The following PCDHGB1 variants were observed in gnomAD, a reference collection of about 807,000 sequenced individuals.
The protein encoded by PCDHGB1 is protocadherin gamma subfamily B, 1, also known as protocadherin gamma-B1.
PCDHGB1 carries 34 observed loss-of-function variants against 56.6 expected under a neutral mutation model. That is an observed-to-expected ratio of 0.60 (90% CI 0.46 to 0.80). The LOEUF is 0.80. Among genes scored for constraint, PCDHGB1 ranks in the 30% least tolerant of loss-of-function variants. The pLI, the probability that PCDHGB1 is intolerant of heterozygous loss-of-function variation, is 0.00. For synonymous variants in PCDHGB1, 561 were observed against 505.9 expected (o/e 1.11, Z -1.46); for missense variants, 1,278 against 1,204.6 (o/e 1.06, Z -0.90).
rs762783104 is a variant in PCDHGB1 at position 141,485,601 on chromosome 5, G to A, written c.2410-9206G>A. 4.3e-6 allele frequency: 7 copies of A among 1,612,290 alleles called. No homozygotes were observed. The highest frequency in any genetic ancestry group is 5.9e-6 in the Non-Finnish European group (7 of 1,178,722). On this transcript the variant is annotated intron_variant, in intron 1 of 3. Transcript: ENST00000523390. The surrounding 1 kb of genome is among the most constrained non-coding windows in gnomAD (Gnocchi z 5.7). ...CGGCAGCAGCTGGACTTGGAAATTG[G>A]GGAGGCAGCTCCTCCAGGACAGCGT...
At chr5:141,466,974 C>G (rs1314224956) in intron 1 of PCDHGB1, among the ~76,000 whole-genome samples, 1 of 151,944 alleles carries the variant, frequency 6.6e-6, no homozygotes, top group Non-Finnish European at 1.5e-5. Context: ...TCTCACAGCT[C>G]ATCATTTACC....
chr5:141,364,224 C>T (rs538812851), intron 1 of PCDHGB1: 29 of 1,356,016 alleles, frequency 2.1e-5, no homozygotes, highest in Admixed American at 6.0e-5. Context: ...GAAAAGCCAA[C>T]GCTCCACGCC....
In PCDHGB1 at chr5:141,489,684, T is replaced by C. The variant is rs2099690710; in HGVS notation, c.2410-5123T>C. 1.2e-6 allele frequency: 2 copies of C among 1,614,062 alleles called. No individual in the cohort carries two copies. The highest frequency in any genetic ancestry group is 8.5e-7 in the Non-Finnish European group (1 of 1,180,034). On this transcript the variant is annotated intron_variant, in intron 1 of 3. Coordinates refer to ENST00000523390, the MANE Select transcript of PCDHGB1 (RefSeq NM_018922.3). This position sits in a 1 kb window ranked among gnomAD's most constrained non-coding sequence, Gnocchi z 4.5. ...TGCGCATCTCAGAATCAGCAGCATCTGGGGCACGATTCCCACTGGACAGTG... is the reference window on the plus strand; with the variant it reads ...TGCGCATCTCAGAATCAGCAGCATCCGGGGCACGATTCCCACTGGACAGTG...
rs766474451 is a variant in PCDHGB1 at position 141,477,676 on chromosome 5, AT to A, written c.2410-17130del. On this transcript the variant is annotated intron_variant, in intron 1 of 3. Coordinates refer to ENST00000523390, the MANE Select transcript of PCDHGB1 (RefSeq NM_018922.3). This position sits in a 1 kb window ranked among gnomAD's most constrained non-coding sequence, Gnocchi z 4.9. ...TAAATCGTGACAATGGCATAGTGTCATCCTTAGTGCCCCTAGACTATGAGGA... is the reference window on the plus strand; with the variant it reads ...TAAATCGTGACAATGGCATAGTGTCACCTTAGTGCCCCTAGACTATGAGGA... 6.2e-7 allele frequency: 1 copy of A among 1,614,194 alleles called. No homozygotes were observed. The highest frequency in any genetic ancestry group is 2.2e-5 in the East Asian group (1 of 44,886).
At chr5:141,389,367 G>A (rs1402654392) in intron 1 of PCDHGB1, 4 of 1,613,806 alleles carry the variant, frequency 2.5e-6, no homozygotes, top group South Asian at 1.1e-5. Context: ...CAGTGACCTG[G>A]AGCAGCGGGA....
chr5:141,365,007 C>T (rs776739278), intron 1 of PCDHGB1: 2 of 1,613,804 alleles, frequency 1.2e-6, no homozygotes, highest in African/African-American at 1.3e-5. Context: ...TCCGGCACCA[C>T]GCACATCCGT....
At position 141,431,007 on chromosome 5, in the gene PCDHGB1, G is replaced by C. The variant is rs149559471; in HGVS notation, c.2410-63800G>C. On this transcript the variant is annotated intron_variant, in intron 1 of 3. Transcript: ENST00000523390. This position sits in a 1 kb window ranked among gnomAD's most constrained non-coding sequence, Gnocchi z 4.8. Reference sequence around the variant, plus strand: ...TTCGCCCTGAATCCGCGCAGCGGCAGCTTGGTCACGGCGGGCAGGATAGAC... The same window carrying C: ...TTCGCCCTGAATCCGCGCAGCGGCACCTTGGTCACGGCGGGCAGGATAGAC... 10 of 1,614,050 alleles carry C rather than the reference G, an allele frequency of 6.2e-6. No homozygotes were observed. The highest frequency in any genetic ancestry group is 8.5e-6 in the Non-Finnish European group (10 of 1,180,018).
At position 141,418,056 on chromosome 5, in the gene PCDHGB1, T is replaced by G. The variant is rs199996434; in HGVS notation, c.2409+65387T>G. ...GTCCTGGATGTGTCGGCTCGCGAGC[T>G]GCGAGTGAGCGCGGAGAAGCTGCAC... is the stretch of plus-strand genomic sequence containing the variant. On this transcript the variant is annotated intron_variant, in intron 1 of 3. Coordinates refer to ENST00000523390, the MANE Select transcript of PCDHGB1 (RefSeq NM_018922.3). 5.0e-5 allele frequency: 80 copies of G among 1,613,976 alleles called. No individual in the cohort carries two copies. The African/African-American group carries it at 7.5e-4, about 15-fold the overall frequency.
chr5:141,511,462 C>T lies in PCDHGB1; in HGVS notation c.*289C>T, dbSNP rs1385398410. On this transcript the variant is annotated 3_prime_UTR_variant, in exon 4 of 4. Transcript: ENST00000523390. Reference sequence around the variant, plus strand: ...AGACACCAAGAACCATTTGCCACACCCCGTTTAGTTACAGCTGAACTCCTC... The same window carrying T: ...AGACACCAAGAACCATTTGCCACACTCCGTTTAGTTACAGCTGAACTCCTC... 5.4e-6 allele frequency: 3 copies of T among 556,350 alleles called. No individual in the cohort carries two copies. In the South Asian group the frequency reaches 6.3e-5, roughly 12 times the overall value. 34.5% of individuals were successfully genotyped at this position (556,350 alleles called of 1,614,324 possible).
intron 1 of PCDHGB1, chr5:141,388,663 C>G: frequency 1.9e-6 from 3 of 1,613,928 alleles, no homozygotes; most frequent in East Asian, 2.2e-5. Flanking sequence ...CCGGGGACCA[C>G]GGTGCTACAG....
At chr5:141,421,189 C>G in intron 1 of PCDHGB1, 1 of 1,477,674 alleles carries the variant, frequency 6.8e-7, no homozygotes, top group Non-Finnish European at 9.0e-7. Flanking sequence ...CACAACCAAC[C>G]AGCTCGAGAA....
intron 1 of PCDHGB1, among the ~76,000 whole-genome samples, chr5:141,455,246 G>A (rs2098817522): frequency 6.6e-6 from 1 of 151,962 alleles, no homozygotes; most frequent in Non-Finnish European, 1.5e-5. Context: ...AAAGGTCATA[G>A]TACAATCGCA....
chr5:141,431,868 A>G lies in PCDHGB1; in HGVS notation c.2410-62939A>G, dbSNP rs755283039. On this transcript the variant is annotated intron_variant, in intron 1 of 3. Coordinates refer to ENST00000523390, the MANE Select transcript of PCDHGB1 (RefSeq NM_018922.3). This position sits in a 1 kb window ranked among gnomAD's most constrained non-coding sequence, Gnocchi z 4.8. ...AGAGGGACATTAATTGCCCTTTTAAATGTAAATGACCAAGATTCTGAGGAA... is the reference window on the plus strand; with the variant it reads ...AGAGGGACATTAATTGCCCTTTTAAGTGTAAATGACCAAGATTCTGAGGAA... 4.3e-6 allele frequency: 7 copies of G among 1,614,102 alleles called. No individual in the cohort carries two copies. In the South Asian group the frequency reaches 6.6e-5, roughly 15 times the overall value.
At chr5:141,360,361 A>T in intron 1 of PCDHGB1, 1 of 1,613,910 alleles carries the variant, frequency 6.2e-7, no homozygotes, top group Non-Finnish European at 8.5e-7. Context: ...GGAATATTTC[A>T]CAGTAAACCC....
chr5:141,445,252 A>G (rs2098461096), intron 1 of PCDHGB1, among the ~76,000 whole-genome samples: 1 of 152,224 alleles, frequency 6.6e-6, no homozygotes, highest in Non-Finnish European at 1.5e-5. Context: ...ATATTGTGTG[A>G]GAATATAAGT....
At chr5:141,464,929 G>A (rs1358204606) in intron 1 of PCDHGB1, among the ~76,000 whole-genome samples, 1 of 151,878 alleles carries the variant, frequency 6.6e-6, no homozygotes, top group Non-Finnish European at 1.5e-5. Flanking sequence ...TTGTAGAGAT[G>A]TGAGGTCTCA....
At chr5:141,409,351 G>A (rs756967611) in intron 1 of PCDHGB1, 7 of 1,613,982 alleles carry the variant, frequency 4.3e-6, no homozygotes, top group Non-Finnish European at 5.9e-6. Flanking sequence ...GAGAAGTCAG[G>A]TGTAATATAG....
At chr5:141,393,029 G>A in intron 1 of PCDHGB1, 1 of 1,613,754 alleles carries the variant, frequency 6.2e-7, no homozygotes, top group Non-Finnish European at 8.5e-7. Context: ...GAGGTAGGAC[G>A]CAGCTCTTTG....
At chr5:141,384,882 C>A in intron 1 of PCDHGB1, 1 of 1,613,872 alleles carries the variant, frequency 6.2e-7, no homozygotes, top group South Asian at 1.1e-5. Context: ...TCACACTCAC[C>A]GTGGCTGTGG....
Sources: allele counts gnomAD v4.1 joint callset (sites outside exome capture counted in the v4.1 genomes callset), GRCh38; gene constraint gnomAD v4.1.1; non-coding constraint Gnocchi (gnomAD v3.1); transcripts MANE v1.5; gene names NCBI Gene and HGNC (gene_info 2026-07-23, HGNC 2026-07-21).